Variants in CC2D2B observed in about 807,000 individuals in gnomAD.
The protein encoded by CC2D2B is protein CC2D2B.
CC2D2B carries 128 observed loss-of-function variants against 161.2 expected under a neutral mutation model. The ratio of observed to expected loss-of-function variants is 0.79; its 90% CI spans 0.69 to 0.92. The LOEUF is 0.92. CC2D2B is among the 40% of genes least tolerant of loss of function. CC2D2B has a pLI of 0.00. For synonymous variants in CC2D2B, 391 were observed against 449.8 expected (o/e 0.87, Z 1.65); for missense variants, 1,173 against 1,375.1 (o/e 0.85, Z 2.32).
At chr10:95,934,347 A>G (rs1209964079) in intron 6 of CC2D2B, among the ~76,000 whole-genome samples, 1 of 152,006 alleles carries the variant, frequency 6.6e-6, no homozygotes, top group African/African-American at 2.4e-5. Flanking sequence ...AAGCTAGACC[A>G]CATGGCTCCC....
At position 96,016,294 on chromosome 10, in the gene CC2D2B, T is replaced by C. The variant is rs1457260375; in HGVS notation, c.3610T>C (p.Leu1204=). Residue 1204 remains leucine, a synonymous_variant, in exon 30 of 35, where the codon TTG becomes CTG. Transcript: ENST00000646931. ...TTTTGGAAAGAAGGCACTGGTCCTC[T>C]TGGGAACGTCAGTGTTAGAAGTAAG... ...LYFGKKALVL[L]GTSVLEGHVA... 6.2e-7 allele frequency: 1 copy of C among 1,608,628 alleles called. No individual in the cohort carries two copies. The highest frequency in any genetic ancestry group is 2.2e-5 in the East Asian group (1 of 44,868).
At chr10:95,945,922 T>A (rs573926425) in intron 9 of CC2D2B, among the ~76,000 whole-genome samples, 1 of 151,954 alleles carries the variant, frequency 6.6e-6, no homozygotes, top group East Asian at 1.9e-4. Flanking sequence ...GTAGCTGGGA[T>A]TACAGGTGTG....
Position 95,981,963 on chromosome 10 carries a change from T to C in CC2D2B, c.1944-12T>C, listed in dbSNP as rs2077547706. ...TTGTATGCAAGTTCACAAAATATTTTCTCTATGTTAGTATGTTAAGGAATG... is the reference window on the plus strand; with the variant it reads ...TTGTATGCAAGTTCACAAAATATTTCCTCTATGTTAGTATGTTAAGGAATG... On this transcript the variant is annotated splice_polypyrimidine_tract_variant and intron_variant, in intron 17 of 34. Coordinates refer to ENST00000646931, the MANE Select transcript of CC2D2B (RefSeq NM_001349008.3). 1.7e-6 allele frequency: 2 copies of C among 1,212,088 alleles called. No individual in the cohort carries two copies. The highest frequency in any genetic ancestry group is 8.4e-5 in the South Asian group (2 of 23,902). 75.1% of individuals were successfully genotyped at this position (1,212,088 alleles called of 1,614,324 possible). A position where few individuals can be genotyped will look rare whatever the true frequency, so the allele number is the denominator to read the frequency against.
At chr10:95,993,313 T>C (rs1417863960) in intron 22 of CC2D2B, among the ~76,000 whole-genome samples, 1 of 152,146 alleles carries the variant, frequency 6.6e-6, no homozygotes, top group Non-Finnish European at 1.5e-5. Flanking sequence ...GTGTATTTAG[T>C]GTATCCTGGA....
At chr10:95,983,221 T>C (rs1305344150) in intron 18 of CC2D2B, among the ~76,000 whole-genome samples, 1 of 152,248 alleles carries the variant, frequency 6.6e-6, no homozygotes, top group African/African-American at 2.4e-5. Context: ...ATAGATTAGA[T>C]TGCTGCAAGT....
Position 96,025,164 on chromosome 10 carries a change from T to TATATATAAAAAAAAA in CC2D2B, c.3947+260_3947+261insAAAAAAAAATATATA, listed in dbSNP as rs2079653846. Among the ~76,000 whole-genome samples, 6 of 7,560 alleles carry TATATATAAAAAAAAA rather than the reference T, an allele frequency of 7.9e-4. No individual in the cohort carries two copies. In the East Asian group the frequency reaches 0.016, roughly 20 times the overall value. The allele number at this position is 7,560 out of a possible 152,430, so 5.0% of individuals were successfully genotyped here. ...TCTCTACTAAAAAAAAATATATATATATATATATATATATATATATAAAAA... is the reference window on the plus strand; with the variant it reads ...TCTCTACTAAAAAAAAATATATATATATATATAAAAAAAAAATATATATATATATATATATAAAAA... On this transcript the variant is annotated intron_variant, in intron 33 of 34. Coordinates refer to ENST00000646931, the MANE Select transcript of CC2D2B (RefSeq NM_001349008.3).
chr10:95,941,857 A>C (rs1340443016), intron 9 of CC2D2B, among the ~76,000 whole-genome samples: 1 of 152,194 alleles, frequency 6.6e-6, no homozygotes, highest in Non-Finnish European at 1.5e-5. Context: ...TATCCAGAAA[A>C]ATTAAATTTA....
At chr10:95,958,051 T>G (rs1358923839) in intron 11 of CC2D2B, among the ~76,000 whole-genome samples, 1 of 145,572 alleles carries the variant, frequency 6.9e-6, no homozygotes, top group Non-Finnish European at 1.5e-5. Flanking sequence ...CAACAGAAAC[T>G]ATGCCAAAAA....
At chr10:95,970,883 A>G (rs2077102158) in intron 15 of CC2D2B, among the ~76,000 whole-genome samples, 1 of 152,206 alleles carries the variant, frequency 6.6e-6, no homozygotes, top group Admixed American at 6.5e-5. Context: ...TCTTACAAGG[A>G]AGTAAAACCA....
chr10:95,929,297 C>T (rs1399377286), intron 6 of CC2D2B, among the ~76,000 whole-genome samples: 1 of 152,118 alleles, frequency 6.6e-6, no homozygotes, highest in Admixed American at 6.5e-5. Flanking sequence ...TGGATATTAG[C>T]CCTTTTCAGA....
intron 9 of CC2D2B, among the ~76,000 whole-genome samples, chr10:95,945,442 CT>C (rs2076163265): frequency 6.6e-6 from 1 of 152,176 alleles, no homozygotes; most frequent in African/African-American, 2.4e-5. Flanking sequence ...CTGCCAGGTA[CT>C]TTAACAGCTT....
At chr10:95,923,383 C>T (rs1163966303) in intron 3 of CC2D2B, among the ~76,000 whole-genome samples, 3 of 152,154 alleles carry the variant, frequency 2.0e-5, no homozygotes, top group African/African-American at 4.8e-5. Context: ...TCCTTTATAC[C>T]CTCAAAACTT....
chr10:95,988,443 A>G, intron 20 of CC2D2B, 101 bp downstream of exon 20: 1 of 446,340 alleles, frequency 2.2e-6, no homozygotes. Flanking sequence ...AGATGGACGA[A>G]TCCACTCACT....
chr10:95,937,127 G>C (rs971885272), intron 6 of CC2D2B, among the ~76,000 whole-genome samples: 16 of 152,322 alleles, frequency 1.1e-4, no homozygotes, highest in Non-Finnish European at 2.1e-4. Context: ...CCTAGTGGAT[G>C]TTTAATGACA....
chr10:95,954,163 A>G (rs7090375), intron 10 of CC2D2B, among the ~76,000 whole-genome samples: 5,573 of 152,262 alleles, frequency 0.037, 139 homozygotes, highest in South Asian at 0.079. Flanking sequence ...TTCCTTTTAT[A>G]TATCCTTATG....
intron 6 of CC2D2B, among the ~76,000 whole-genome samples, chr10:95,933,877 G>A (rs1423689712): frequency 6.6e-6 from 1 of 152,224 alleles, no homozygotes; most frequent in African/African-American, 2.4e-5. Flanking sequence ...CACTTGAGGA[G>A]GGAGTCTGTC....
chr10:95,984,519 G>A (rs1179862271), intron 19 of CC2D2B: 1 of 152,104 alleles, frequency 6.6e-6, no homozygotes, highest in Non-Finnish European at 1.5e-5. Context: ...AATAAAAACA[G>A]ATAAAACAAA....
At position 96,031,730 on chromosome 10, in the gene CC2D2B, C is replaced by A. The variant is rs1045224983; in HGVS notation, c.4126-90C>A. On this transcript the variant is annotated intron_variant, in intron 34 of 34. Coordinates refer to ENST00000646931, the MANE Select transcript of CC2D2B (RefSeq NM_001349008.3). ...TTATAGTATTTTATGAGTACTATTT[C>A]TTTGAGGCTTTTGTGATCTTTTTGC... is the stretch of plus-strand genomic sequence containing the variant. The A allele has an allele frequency of 1.6e-5, 19 of 1,163,490 alleles. No individual in the cohort carries two copies. In the African/African-American group the frequency reaches 2.9e-4, roughly 18 times the overall value. The allele number at this position is 1,163,490 out of a possible 1,614,324, so 72.1% of individuals were successfully genotyped here. A position where few individuals can be genotyped will look rare whatever the true frequency, so the allele number is the denominator to read the frequency against.
chr10:95,955,572 TA>T (rs1051630503), intron 11 of CC2D2B, 81 bp downstream of exon 11: 3 of 395,630 alleles, frequency 7.6e-6, no homozygotes, highest in Admixed American at 8.8e-5. Flanking sequence ...CTATGGAAGA[TA>T]AAGAAAAGTA....
Sources: allele counts gnomAD v4.1 joint callset (sites outside exome capture counted in the v4.1 genomes callset), GRCh38; gene constraint gnomAD v4.1.1; transcripts MANE v1.5; gene names NCBI Gene and HGNC (gene_info 2026-07-23, HGNC 2026-07-21).